The following ZBTB20 variants were observed in gnomAD, a reference collection of about 807,000 sequenced individuals.
ZBTB20 encodes the protein zinc finger and BTB domain containing 20.
A neutral mutation model predicts 56.9 loss-of-function variants in ZBTB20; 9 were observed. The ratio of observed to expected loss-of-function variants is 0.16; its 90% CI spans 0.10 to 0.28. The LOEUF (loss-of-function observed/expected upper bound fraction) is 0.28. Among genes scored for constraint, ZBTB20 ranks in the 10% least tolerant of loss-of-function variants. The pLI, the probability that ZBTB20 is intolerant of heterozygous loss-of-function variation, is 1.00. For missense variants in ZBTB20, 655 were observed against 1,003.0 expected (o/e 0.65, Z 4.69); for synonymous variants, 417 against 420.7 (o/e 0.99, Z 0.11).
chr3:114,837,678 C>T (rs2074188417), intron 4 of ZBTB20, among the ~76,000 whole-genome samples: 1 of 152,002 alleles, frequency 6.6e-6, no homozygotes, highest in African/African-American at 2.4e-5. Context: ...AAGAGAAAAA[C>T]CACAAGCTTT....
chr3:114,826,919 G>A lies in ZBTB20; in HGVS notation c.-416-25745C>T, dbSNP rs1320591123. On this transcript the variant is annotated intron_variant, in intron 4 of 11. Coordinates refer to ENST00000675478, the MANE Select transcript of ZBTB20 (RefSeq NM_001348800.3). Reference sequence around the variant, plus strand: ...CTCCTTAATAAGCAGGTTCTTGTAGGATATTGAACAAGGTATGTATGTTGT... The same window carrying A: ...CTCCTTAATAAGCAGGTTCTTGTAGAATATTGAACAAGGTATGTATGTTGT... Among the ~76,000 whole-genome samples, 3 of 151,592 alleles carry A rather than the reference G, an allele frequency of 2.0e-5. No homozygotes were observed. In the East Asian group the frequency reaches 5.8e-4, roughly 29 times the overall value.
intron 2 of ZBTB20, among the ~76,000 whole-genome samples, chr3:115,044,589 G>A (rs929601075): frequency 1.3e-5 from 2 of 152,306 alleles, no homozygotes; most frequent in South Asian, 2.1e-4. Flanking sequence ...ATCTATATCA[G>A]TGATTTCCAA....
intron 5 of ZBTB20, among the ~76,000 whole-genome samples, chr3:114,790,041 A>G (rs949193135): frequency 6.6e-6 from 1 of 152,098 alleles, no homozygotes; most frequent in South Asian, 2.1e-4. Context: ...TTTCATTAAC[A>G]AGAACTAGTA....
chr3:114,425,155 T>C (rs1490740046), intron 7 of ZBTB20, among the ~76,000 whole-genome samples: 1 of 149,342 alleles, frequency 6.7e-6, no homozygotes, highest in Non-Finnish European at 1.5e-5. Flanking sequence ...CCACCCTGTT[T>C]ACAGCTGAAG....
At chr3:115,101,248 T>A (rs189010246) in intron 1 of ZBTB20, among the ~76,000 whole-genome samples, 1 of 152,316 alleles carries the variant, frequency 6.6e-6, no homozygotes, top group East Asian at 1.9e-4. Flanking sequence ...TTACCCTTAA[T>A]CTTTTATTAG....
At chr3:114,717,776 T>C (rs189443106) in intron 5 of ZBTB20, among the ~76,000 whole-genome samples, 8 of 152,266 alleles carry the variant, frequency 5.3e-5, no homozygotes, top group Non-Finnish European at 1.2e-4. Flanking sequence ...CACTCTACCA[T>C]ATCTACTGTT....
intron 7 of ZBTB20, among the ~76,000 whole-genome samples, chr3:114,461,754 T>G (rs1158777108): frequency 6.6e-6 from 1 of 152,244 alleles, no homozygotes; most frequent in African/African-American, 2.4e-5. Context: ...ACGTAACTTA[T>G]TGTGTCTTAT....
intron 4 of ZBTB20, among the ~76,000 whole-genome samples, chr3:114,870,271 A>G (rs1395781662): frequency 6.6e-6 from 1 of 151,968 alleles, no homozygotes; most frequent in Non-Finnish European, 1.5e-5. Context: ...TCTTTCACCT[A>G]TGCACAAATT....
chr3:114,689,869 G>A (rs1258918382), intron 6 of ZBTB20, among the ~76,000 whole-genome samples: 2 of 152,122 alleles, frequency 1.3e-5, no homozygotes, highest in Admixed American at 6.6e-5. Flanking sequence ...ATAATGGCTA[G>A]TTCCTACTGG....
intron 8 of ZBTB20, chr3:114,383,686 C>T (rs2108558202): frequency 6.6e-6 from 1 of 152,386 alleles, no homozygotes; most frequent in South Asian, 2.1e-4. Flanking sequence ...AGAAGCAATT[C>T]ATGTCCTGTC....
intron 7 of ZBTB20, among the ~76,000 whole-genome samples, chr3:114,416,463 G>A (rs552742489): frequency 6.6e-6 from 1 of 152,024 alleles, no homozygotes; most frequent in South Asian, 2.1e-4. Context: ...ACAGGGTTTT[G>A]TTTTGTTTTG....
intron 6 of ZBTB20, among the ~76,000 whole-genome samples, chr3:114,587,488 C>G (rs2055302488): frequency 6.6e-6 from 1 of 152,104 alleles, no homozygotes; most frequent in South Asian, 2.1e-4. Context: ...GATAATAGTA[C>G]TCATTGAATA....
chr3:115,021,995 G>A (rs2080224019), intron 2 of ZBTB20, among the ~76,000 whole-genome samples: 2 of 150,542 alleles, frequency 1.3e-5, no homozygotes, highest in Admixed American at 1.3e-4. Flanking sequence ...CTGAATACTA[G>A]CAACATTTTG....
Position 114,584,775 on chromosome 3 carries a change from G to GAAAGT in ZBTB20, c.-294-84389_-294-84385dup, listed in dbSNP as rs1327147630. Among the ~76,000 whole-genome samples, 5 of 152,252 alleles carry GAAAGT rather than the reference G, an allele frequency of 3.3e-5. No homozygotes were observed. The East Asian group carries it at 9.7e-4, about 29-fold the overall frequency. On this transcript the variant is annotated intron_variant, in intron 6 of 11. Transcript: ENST00000675478. ...ATTTTTACACAGAACTTTTGAAAAT[G>GAAAGT]AAAGTACCTGGGGCACCAGCCAGAA...
rs567984535 is a variant in ZBTB20 at position 114,494,402 on chromosome 3, T to C, written c.-255+5950A>G. On this transcript the variant is annotated intron_variant, in intron 7 of 11. Coordinates refer to ENST00000675478, the MANE Select transcript of ZBTB20 (RefSeq NM_001348800.3). ...GATGTGGCTCTGGTTCCCATTTTCA[T>C]CTCACTCAGTACTTCCTCCTCTTGT... 3.3e-5 allele frequency among the ~76,000 whole-genome samples: 5 copies of C among 152,308 alleles called. No homozygotes were observed. In the East Asian group the frequency reaches 5.8e-4, roughly 18 times the overall value.
chr3:114,568,978 CTGAG>C (rs922811715), intron 6 of ZBTB20, among the ~76,000 whole-genome samples: 3 of 152,288 alleles, frequency 2.0e-5, no homozygotes, highest in Admixed American at 1.3e-4. Context: ...TTGCCTTCCC[CTGAG>C]TAACACCCTG....
intron 7 of ZBTB20, among the ~76,000 whole-genome samples, chr3:114,443,989 T>A (rs1295945456): frequency 6.6e-6 from 1 of 152,066 alleles, no homozygotes; most frequent in East Asian, 1.9e-4. Context: ...AGATACAAAG[T>A]GTTGTAGAAA....
chr3:114,505,022 T>A (rs187578725), intron 6 of ZBTB20, among the ~76,000 whole-genome samples: 1 of 152,340 alleles, frequency 6.6e-6, no homozygotes, highest in East Asian at 1.9e-4. Context: ...CAGGCTAGTT[T>A]AAGCTTCTCT....
intron 6 of ZBTB20, among the ~76,000 whole-genome samples, chr3:114,515,291 G>A (rs372146397): frequency 1.3e-5 from 2 of 151,964 alleles, no homozygotes; most frequent in Admixed American, 6.6e-5. Flanking sequence ...CAGTCTGGAC[G>A]CCCATGGTTG....
Sources: allele counts gnomAD v4.1 joint callset (sites outside exome capture counted in the v4.1 genomes callset), GRCh38; gene constraint gnomAD v4.1.1; transcripts MANE v1.5; gene names NCBI Gene and HGNC (gene_info 2026-07-23, HGNC 2026-07-21).